DNAI4: variants seen among roughly 807,000 people sequenced by gnomAD.
DNAI4 encodes WD repeat domain 78.
Under a neutral mutation model 105.8 loss-of-function variants are expected in DNAI4, and 85 were observed. The ratio of observed to expected loss-of-function variants is 0.80; its 90% CI spans 0.67 to 0.96. The LOEUF (loss-of-function observed/expected upper bound fraction) is 0.96, where lower values mean the gene tolerates loss of function less well. Among genes scored for constraint, DNAI4 ranks in the 40% least tolerant of loss-of-function variants. DNAI4 has a pLI of 0.00. For synonymous variants in DNAI4, 352 were observed against 331.5 expected, an observed-to-expected ratio of 1.06 and a Z score of -0.67; for missense variants, 1,014 against 1,005.6, an observed-to-expected ratio of 1.01 and a Z score of -0.11.
chr1:66,919,338 A>G (rs1650294066), intron 1 of DNAI4, among the ~76,000 whole-genome samples: 1 of 152,218 alleles, frequency 6.6e-6, no homozygotes, highest in Non-Finnish European at 1.5e-5. Flanking sequence ...TATGCACAAT[A>G]AAATAATCTC....
intron 2 of DNAI4, among the ~76,000 whole-genome samples, chr1:66,894,552 T>TA (rs987065125): frequency 1.3e-5 from 2 of 151,942 alleles, no homozygotes; most frequent in South Asian, 2.1e-4. Flanking sequence ...GACATCTCCT[T>TA]AAAAAAAACA....
chr1:66,873,248 T>C (rs570012140), intron 5 of DNAI4, among the ~76,000 whole-genome samples: 19 of 150,414 alleles, frequency 1.3e-4, no homozygotes, highest in African/African-American at 4.1e-4. Flanking sequence ...CTTTTTTTTT[T>C]TTTTAGACAT....
intron 1 of DNAI4, among the ~76,000 whole-genome samples, chr1:66,923,089 CACAAG>C (rs1389418131): frequency 6.6e-6 from 1 of 152,178 alleles, no homozygotes; most frequent in African/African-American, 2.4e-5. Context: ...AACATTCAAG[CACAAG>C]ACATTACCTT....
chr1:66,922,508 T>C (rs964732838), intron 1 of DNAI4, among the ~76,000 whole-genome samples: 1 of 152,182 alleles, frequency 6.6e-6, no homozygotes, highest in African/African-American at 2.4e-5. Flanking sequence ...TGTAAAGAGT[T>C]TTACTGAGTG....
intron 1 of DNAI4, among the ~76,000 whole-genome samples, chr1:66,916,747 T>C (rs1403583659): frequency 6.6e-6 from 1 of 152,224 alleles, no homozygotes; most frequent in Non-Finnish European, 1.5e-5. Flanking sequence ...ATTTGGAAGC[T>C]GTATTGCTTT....
At chr1:66,846,142 C>T (rs1646270424) in intron 8 of DNAI4, among the ~76,000 whole-genome samples, 1 of 151,766 alleles carries the variant, frequency 6.6e-6, no homozygotes, top group African/African-American at 2.4e-5. Context: ...TTGTAAATGT[C>T]AATATATACA....
chr1:66,857,145 C>A (rs1646518295), intron 7 of DNAI4, among the ~76,000 whole-genome samples: 1 of 151,836 alleles, frequency 6.6e-6, no homozygotes, highest in South Asian at 2.1e-4. Flanking sequence ...AGTGTCATCA[C>A]TACTGATTCC....
chr1:66,833,170 G>A (rs1645903446), intron 13 of DNAI4, among the ~76,000 whole-genome samples: 1 of 151,936 alleles, frequency 6.6e-6, no homozygotes, highest in Non-Finnish European at 1.5e-5. Flanking sequence ...TCCACCTTAG[G>A]TTAGCAGCTA....
chr1:66,877,253 A>C (rs974654521), intron 4 of DNAI4, among the ~76,000 whole-genome samples: 1 of 152,168 alleles, frequency 6.6e-6, no homozygotes, highest in Non-Finnish European at 1.5e-5. Flanking sequence ...AAAAGTATCT[A>C]TTAGTGACTT....
intron 2 of DNAI4, among the ~76,000 whole-genome samples, chr1:66,895,718 T>C (rs1648268935): frequency 6.6e-6 from 1 of 152,228 alleles, no homozygotes; most frequent in Non-Finnish European, 1.5e-5. Flanking sequence ...TTAAAGTTCC[T>C]TGTGATTCTC....
chr1:66,822,546 C>A (rs41300323), intron 15 of DNAI4, 29 bp from the exon 16 acceptor site: 122,526 of 1,518,168 alleles, frequency 0.081, 5,339 homozygotes, highest in South Asian at 0.09. Flanking sequence ...TTTGTAAATT[C>A]AATTGTTATA....
At chr1:66,889,309 A>G (rs2100751050) in intron 4 of DNAI4, among the ~76,000 whole-genome samples, 1 of 152,330 alleles carries the variant, frequency 6.6e-6, no homozygotes, top group Non-Finnish European at 1.5e-5. Flanking sequence ...GAAAAATGAC[A>G]GAGATAGGAT....
chr1:66,861,092 A>G (rs1267191785), intron 7 of DNAI4, among the ~76,000 whole-genome samples: 1 of 152,168 alleles, frequency 6.6e-6, no homozygotes, highest in Non-Finnish European at 1.5e-5. Context: ...GAACAAGTCG[A>G]AAGGTCTTTG....
intron 4 of DNAI4, among the ~76,000 whole-genome samples, chr1:66,889,046 T>C (rs1188775001): frequency 6.6e-6 from 1 of 152,240 alleles, no homozygotes; most frequent in East Asian, 1.9e-4. Flanking sequence ...CAGTTTTCCC[T>C]GCCTCCACCT....
intron 2 of DNAI4, among the ~76,000 whole-genome samples, chr1:66,901,861 A>G (rs1396850793): frequency 3.3e-5 from 5 of 152,198 alleles, no homozygotes. Flanking sequence ...ATCATAGCTC[A>G]CTGTAGCCTT....
rs117340611 is a variant in DNAI4 at position 66,920,273 on chromosome 1, G to A, written c.170+4389C>T. Among the ~76,000 whole-genome samples, 16 of 152,152 alleles carry A rather than the reference G, an allele frequency of 1.1e-4. No individual in the cohort carries two copies. In the East Asian group the frequency reaches 2.3e-3, roughly 22 times the overall value. On this transcript the variant is annotated intron_variant, in intron 1 of 16. Coordinates refer to ENST00000371026, the MANE Select transcript of DNAI4 (RefSeq NM_024763.5). ...AACTTCAGGGGAAGATTACCTTCCCGTTCTGTCCCCTTTTCAGCTCCTCTT... is the reference window on the plus strand; with the variant it reads ...AACTTCAGGGGAAGATTACCTTCCCATTCTGTCCCCTTTTCAGCTCCTCTT...
At chr1:66,844,007 A>C (rs1057334789) in intron 8 of DNAI4, among the ~76,000 whole-genome samples, 2 of 149,920 alleles carry the variant, frequency 1.3e-5, no homozygotes, top group Non-Finnish European at 3.0e-5. Context: ...AAAAGGAGCC[A>C]GGAACAGTGG....
chr1:66,849,794 G>A (rs1572646521), intron 7 of DNAI4, among the ~76,000 whole-genome samples: 1 of 151,998 alleles, frequency 6.6e-6, no homozygotes. Flanking sequence ...AAACTCAATG[G>A]ATGGGCTCAA....
At chr1:66,822,330 T>C (rs772327525) in intron 16 of DNAI4, 31 bp downstream of exon 16, 12 of 1,568,772 alleles carry the variant, frequency 7.6e-6, no homozygotes, top group South Asian at 1.2e-5. Context: ...ACTAATAAAA[T>C]GACACAAATT....
Sources: allele counts gnomAD v4.1 joint callset (sites outside exome capture counted in the v4.1 genomes callset), GRCh38; gene constraint gnomAD v4.1.1; transcripts MANE v1.5; gene names NCBI Gene and HGNC (gene_info 2026-07-23, HGNC 2026-07-21).